Variants in NLGN1 observed in about 807,000 individuals in gnomAD.
NLGN1 encodes the protein neuroligin 1, also known as neuroligin-1.
A neutral mutation model predicts 65.5 loss-of-function variants in NLGN1; 12 were observed. The observed-to-expected ratio is 0.18, with a 90% CI of 0.12 to 0.30. The LOEUF is 0.30. Among genes scored for constraint, NLGN1 ranks in the 10% least tolerant of loss-of-function variants. The pLI, the probability that NLGN1 is intolerant of heterozygous loss-of-function variation, is 1.00. For synonymous variants in NLGN1, 350 were observed against 359.5 expected (o/e 0.97, Z 0.30); for missense variants, 750 against 1,007.1 (o/e 0.74, Z 3.46).
At chr3:174,123,543 AT>A (rs1718224980) in intron 4 of NLGN1, among the ~76,000 whole-genome samples, 1 of 151,874 alleles carries the variant, frequency 6.6e-6, no homozygotes, top group African/African-American at 2.4e-5. Flanking sequence ...ATAAATACAT[AT>A]TTTTTTCTTC....
At chr3:173,536,979 C>A (rs1737537987) in intron 2 of NLGN1, among the ~76,000 whole-genome samples, 1 of 152,162 alleles carries the variant, frequency 6.6e-6, no homozygotes, top group Non-Finnish European at 1.5e-5. Flanking sequence ...AGACCAATGT[C>A]CTAGTTTGAA....
chr3:173,814,105 C>T (rs893364678), intron 4 of NLGN1, among the ~76,000 whole-genome samples: 7 of 152,238 alleles, frequency 4.6e-5, no homozygotes, highest in African/African-American at 7.2e-5. Context: ...CCGCAGGGTT[C>T]GTGGGGTCTG....
At chr3:173,615,264 C>T (rs1316364445) in intron 3 of NLGN1, among the ~76,000 whole-genome samples, 1 of 152,006 alleles carries the variant, frequency 6.6e-6, no homozygotes, top group Non-Finnish European at 1.5e-5. Flanking sequence ...GTGTTGTGTC[C>T]TGGAGGCCCT....
chr3:173,728,020 T>C (rs1046611875), intron 3 of NLGN1, among the ~76,000 whole-genome samples: 1 of 152,084 alleles, frequency 6.6e-6, no homozygotes, highest in African/African-American at 2.4e-5. Context: ...CATTGATGGC[T>C]TGGGGAATAT....
chr3:173,816,944 T>C (rs1189512133), intron 4 of NLGN1, among the ~76,000 whole-genome samples: 2 of 152,278 alleles, frequency 1.3e-5, no homozygotes, highest in African/African-American at 2.4e-5. Flanking sequence ...ATTACAGTTA[T>C]CATCCCTGAT....
chr3:173,826,631 A>C (rs949737921), intron 4 of NLGN1, among the ~76,000 whole-genome samples: 3 of 152,112 alleles, frequency 2.0e-5, no homozygotes, highest in Admixed American at 2.0e-4. Context: ...GAGGGTGTTA[A>C]TGATGATTCA....
intron 4 of NLGN1, among the ~76,000 whole-genome samples, chr3:173,814,685 C>G (rs1718654623): frequency 6.6e-6 from 1 of 152,158 alleles, no homozygotes; most frequent in Admixed American, 6.5e-5. Flanking sequence ...TTCCCTTATT[C>G]TCTATAAATT....
At chr3:173,784,042 T>C (rs75736840) in intron 3 of NLGN1, among the ~76,000 whole-genome samples, 6,918 of 152,300 alleles carry the variant, frequency 0.045, 230 homozygotes, top group Non-Finnish European at 0.068. Context: ...AATAAAATTT[T>C]AGCACTAATA....
intron 4 of NLGN1, among the ~76,000 whole-genome samples, chr3:174,127,411 G>C (rs1719167924): frequency 6.6e-6 from 1 of 152,048 alleles, no homozygotes; most frequent in South Asian, 2.1e-4. Flanking sequence ...GTTATTTTCT[G>C]GCAGATTTTT....
At chr3:173,404,139 G>A (rs1249168812) in intron 1 of NLGN1, among the ~76,000 whole-genome samples, 2 of 152,122 alleles carry the variant, frequency 1.3e-5, no homozygotes, top group Admixed American at 6.6e-5. Flanking sequence ...TGCTGTATGA[G>A]CAGATATAAA....
intron 2 of NLGN1, among the ~76,000 whole-genome samples, chr3:173,558,685 C>T (rs1211579789): frequency 6.6e-6 from 1 of 152,050 alleles, no homozygotes. Context: ...CATTTCCCCT[C>T]GACCTTTTAA....
intron 4 of NLGN1, among the ~76,000 whole-genome samples, chr3:174,162,255 C>G (rs1349672916): frequency 1.3e-5 from 2 of 151,814 alleles, no homozygotes; most frequent in Non-Finnish European, 2.9e-5. Context: ...TTCTCCTTCT[C>G]TAGGCTCTGT....
intron 4 of NLGN1, among the ~76,000 whole-genome samples, chr3:174,249,243 A>T (rs73882736): frequency 0.12 from 18,745 of 152,116 alleles, 2,006 homozygotes; most frequent in African/African-American, 0.28. Flanking sequence ...ATTTATTCCT[A>T]CATTTTCATT....
chr3:173,534,306 T>C (rs1737093768), intron 2 of NLGN1, among the ~76,000 whole-genome samples: 2 of 152,224 alleles, frequency 1.3e-5, no homozygotes, highest in South Asian at 4.1e-4. Context: ...TTTCACTTTA[T>C]CTTGAAATTA....
At chr3:173,800,076 T>C (rs1264294676) in intron 3 of NLGN1, among the ~76,000 whole-genome samples, 2 of 151,324 alleles carry the variant, frequency 1.3e-5, no homozygotes, top group Non-Finnish European at 3.0e-5. Flanking sequence ...TTATGCTGGA[T>C]ATATTTACAA....
rs145669761 is a variant in NLGN1, at chr3:173,480,375, A to C, written c.-321+45297A>C. 8.3e-3 allele frequency among the ~76,000 whole-genome samples: 1,260 copies of C among 152,204 alleles called. 7 individuals carry two copies. Among genetic ancestry groups the C allele is most frequent in the Admixed American group, 0.012 (187 of 15,264 alleles). ...CAACTCTCACTGAATAGAAAACGTAAAATAAACCAAAACTCACTTTTCCTT... is the reference window on the plus strand; with the variant it reads ...CAACTCTCACTGAATAGAAAACGTACAATAAACCAAAACTCACTTTTCCTT... On this transcript the variant is annotated intron_variant, in intron 2 of 6. Transcript: ENST00000457714.
intron 4 of NLGN1, among the ~76,000 whole-genome samples, chr3:173,840,791 T>A (rs1436787923): frequency 6.6e-6 from 1 of 152,176 alleles, no homozygotes; most frequent in Non-Finnish European, 1.5e-5. Context: ...CTAGTTATTA[T>A]CTACCACTAT....
chr3:173,556,223 G>T (rs1741680096), intron 2 of NLGN1, among the ~76,000 whole-genome samples: 1 of 151,766 alleles, frequency 6.6e-6, no homozygotes, highest in Non-Finnish European at 1.5e-5. Context: ...TGATGCTATT[G>T]ATCTTTACTT....
At chr3:174,059,086 A>G (rs75448228) in intron 4 of NLGN1, among the ~76,000 whole-genome samples, 1 of 152,074 alleles carries the variant, frequency 6.6e-6, no homozygotes, top group Admixed American at 6.6e-5. Flanking sequence ...GCTTTCTTCA[A>G]GTGTTTGGTG....
Sources: allele counts gnomAD v4.1 joint callset (sites outside exome capture counted in the v4.1 genomes callset), GRCh38; gene constraint gnomAD v4.1.1; transcripts MANE v1.5; gene names NCBI Gene and HGNC (gene_info 2026-07-23, HGNC 2026-07-21).